The following LCMT1 variants were observed in gnomAD, a reference collection of about 807,000 sequenced individuals.
LCMT1 encodes leucine carboxyl methyltransferase 1.
In LCMT1, 32 loss-of-function variants were observed where a neutral mutation model predicts 47.7. The ratio of observed to expected loss-of-function variants is 0.67; its 90% CI spans 0.51 to 0.90. The LOEUF is 0.90. Among genes scored for constraint, LCMT1 ranks in the 40% least tolerant of loss-of-function variants. The pLI, the probability that LCMT1 is intolerant of heterozygous loss-of-function variation, is 0.00. For missense variants in LCMT1, 375 were observed against 415.2 expected, an observed-to-expected ratio of 0.90 and a Z score of 0.84; for synonymous variants, 152 against 149.7, an observed-to-expected ratio of 1.02 and a Z score of -0.11.
At chr16:25,122,882 C>G (rs1483002445) in intron 1 of LCMT1, among the ~76,000 whole-genome samples, 1 of 152,026 alleles carries the variant, frequency 6.6e-6, no homozygotes, top group Non-Finnish European at 1.5e-5. Context: ...AACTCCTGGG[C>G]TCAAGTGATC....
At chr16:25,155,446 C>T in intron 5 of LCMT1, among the ~76,000 whole-genome samples, 1 of 151,964 alleles carries the variant, frequency 6.6e-6, no homozygotes, top group East Asian at 1.9e-4. Context: ...ACTTGGGAGG[C>T]TGAGACAGGA....
chr16:25,155,676 C>CTTTTT (rs35255738), intron 5 of LCMT1, among the ~76,000 whole-genome samples: 5 of 140,486 alleles, frequency 3.6e-5, no homozygotes, highest in African/African-American at 5.3e-5. Context: ...TTCTTTCTTT[C>CTTTTT]TTTTTTTTTT....
chr16:25,113,091 A>G (rs1959675084), intron 1 of LCMT1, among the ~76,000 whole-genome samples: 2 of 149,248 alleles, frequency 1.3e-5, no homozygotes, highest in Non-Finnish European at 3.0e-5. Flanking sequence ...CAGTGAGCCA[A>G]GATCACGCTA....
Position 25,161,315 on chromosome 16 carries a change from A to G in LCMT1, c.569+111A>G, listed in dbSNP as rs188697476. 3.3e-5 allele frequency: 19 copies of G among 576,888 alleles called. No individual in the cohort carries two copies. The Middle Eastern group carries it at 1.0e-3, about 31-fold the overall frequency. The allele number at this position is 576,888 out of a possible 1,614,324, so 35.7% of individuals were successfully genotyped here. A position where few individuals can be genotyped will look rare whatever the true frequency, so the allele number is the denominator to read the frequency against. On this transcript the variant is annotated intron_variant, in intron 6 of 10. Transcript: ENST00000399069. ...TTCATGTTCCATTTTTTATTCTTTA[A>G]GAGTTTTATCATTTCATTGCTACCT...
chr16:25,176,982 C>A (rs1321776721), intron 10 of LCMT1, among the ~76,000 whole-genome samples: 1 of 151,632 alleles, frequency 6.6e-6, no homozygotes, highest in African/African-American at 2.4e-5. Context: ...GAGTTCGAAA[C>A]CAGCCTGGCC....
intron 5 of LCMT1, 109 bp downstream of exon 5, chr16:25,151,724 G>GTGTGTGT: frequency 9.7e-6 from 1 of 102,840 alleles, no homozygotes; most frequent in Non-Finnish European, 1.6e-5. Context: ...TGTGTGTGTG[G>GTGTGTGT]TGTTATACAA....
chr16:25,159,708 G>A (rs1476058487), intron 5 of LCMT1, among the ~76,000 whole-genome samples: 1 of 152,082 alleles, frequency 6.6e-6, no homozygotes, highest in African/African-American at 2.4e-5. Context: ...GTAGCCATAT[G>A]TATTTGAATC....
intron 5 of LCMT1, among the ~76,000 whole-genome samples, chr16:25,156,101 A>T (rs1413432731): frequency 6.6e-6 from 1 of 152,010 alleles, no homozygotes; most frequent in Non-Finnish European, 1.5e-5. Context: ...TCTTTGCTTG[A>T]TGGGCTCCTT....
At chr16:25,154,739 C>T (rs907925658) in intron 5 of LCMT1, among the ~76,000 whole-genome samples, 8 of 152,170 alleles carry the variant, frequency 5.3e-5, no homozygotes, top group South Asian at 4.1e-4. Flanking sequence ...CCACCGGCCT[C>T]GGCCTCCCAA....
intron 10 of LCMT1, 121 bp from the exon 11 acceptor site, chr16:25,177,880 C>A: frequency 1.3e-6 from 1 of 781,676 alleles, no homozygotes. Flanking sequence ...AGCAGGAGGG[C>A]GGTGCTACAG....
intron 6 of LCMT1, among the ~76,000 whole-genome samples, chr16:25,162,336 C>T (rs1445692691): frequency 6.6e-6 from 1 of 152,042 alleles, no homozygotes; most frequent in Non-Finnish European, 1.5e-5. Context: ...TGCCTGTAAT[C>T]TCAGCACTTT....
intron 3 of LCMT1, among the ~76,000 whole-genome samples, chr16:25,135,960 G>A (rs1960491214): frequency 6.6e-6 from 1 of 151,946 alleles, no homozygotes; most frequent in Non-Finnish European, 1.5e-5. Context: ...GCATGGTGGT[G>A]CACACCTGTG....
chr16:25,169,400 A>G, intron 8 of LCMT1, 187 bp downstream of exon 8: 1 of 537,834 alleles, frequency 1.9e-6, no homozygotes, highest in Non-Finnish European at 3.4e-6. Context: ...TCACCATCAC[A>G]TTTCCTACAC....
At chr16:25,129,370 TAATG>T (rs1199143896) in intron 2 of LCMT1, among the ~76,000 whole-genome samples, 1 of 152,188 alleles carries the variant, frequency 6.6e-6, no homozygotes, top group Non-Finnish European at 1.5e-5. Flanking sequence ...TTATTAAATT[TAATG>T]AATTCAAAAA....
intron 8 of LCMT1, chr16:25,169,448 CAAACAT>C (rs1431362353): frequency 2.0e-5 from 8 of 391,434 alleles, no homozygotes; most frequent in Non-Finnish European, 3.3e-5. Flanking sequence ...AATTTTCAAA[CAAACAT>C]AAAGGTAGAG....
At chr16:25,113,137 T>C in intron 1 of LCMT1, among the ~76,000 whole-genome samples, 1 of 43,086 alleles carries the variant, frequency 2.3e-5, no homozygotes, top group Admixed American at 3.3e-4. Flanking sequence ...CGAGACTATG[T>C]CTCAAAAAAA....
intron 5 of LCMT1, chr16:25,159,051 A>G (rs916179753): frequency 6.6e-6 from 1 of 152,140 alleles, no homozygotes; most frequent in Admixed American, 6.5e-5. Flanking sequence ...TTTGCTTTAC[A>G]TGCTAATGTT....
chr16:25,123,087 G>T (rs1022132825), intron 1 of LCMT1, among the ~76,000 whole-genome samples: 2 of 151,994 alleles, frequency 1.3e-5, no homozygotes, highest in African/African-American at 4.8e-5. Flanking sequence ...TTTATGGTTG[G>T]CCTGTTCATC....
intron 1 of LCMT1, among the ~76,000 whole-genome samples, chr16:25,113,163 G>A (rs1480442185): frequency 1.4e-5 from 2 of 141,508 alleles, no homozygotes; most frequent in African/African-American, 2.6e-5. Flanking sequence ...AAAAAAAAGT[G>A]AGAAGAAAAG....
Sources: gnomAD v4.1 joint callset for allele counts (sites outside exome capture counted in the v4.1 genomes callset) on GRCh38, gnomAD v4.1.1 for gene constraint, MANE v1.5 for transcripts, NCBI Gene and HGNC (gene_info 2026-07-23, HGNC 2026-07-21) for gene names.